Variants in MINPP1 observed in about 807,000 individuals in gnomAD.
MINPP1 encodes multiple inositol polyphosphate phosphatase 1.
MINPP1 carries 28 observed loss-of-function variants against 46.1 expected under a neutral mutation model. The observed-to-expected ratio is 0.61, with a 90% CI of 0.45 to 0.83. The LOEUF (loss-of-function observed/expected upper bound fraction) is 0.83, where lower values mean the gene tolerates loss of function less well. MINPP1 is among the 40% of genes least tolerant of loss of function. The pLI, the probability that MINPP1 is intolerant of heterozygous loss-of-function variation, is 0.00. For synonymous variants in MINPP1, 268 were observed against 249.1 expected, an observed-to-expected ratio of 1.08 and a Z score of -0.72; for missense variants, 603 against 610.0, an observed-to-expected ratio of 0.99 and a Z score of 0.12.
At chr10:87,542,733 A>G (rs1200260431) in intron 4 of MINPP1, among the ~76,000 whole-genome samples, 1 of 152,186 alleles carries the variant, frequency 6.6e-6, no homozygotes, top group African/African-American at 2.4e-5. Context: ...CGCTTCCTGT[A>G]CAGCCTGCAG....
chr10:87,545,862 TTC>T (rs1275543640), intron 4 of MINPP1, among the ~76,000 whole-genome samples: 1 of 152,250 alleles, frequency 6.6e-6, no homozygotes, highest in Non-Finnish European at 1.5e-5. Context: ...TATTGACATA[TTC>T]TCTTTCTTCT....
At chr10:87,506,773 A>G (rs564909848) in intron 1 of MINPP1, among the ~76,000 whole-genome samples, 1 of 152,362 alleles carries the variant, frequency 6.6e-6, no homozygotes, top group African/African-American at 2.4e-5. Context: ...GTGAAAAATT[A>G]GAAGTAGGCT....
Position 87,505,414 on chromosome 10 carries a change from G to T in MINPP1, c.499G>T (p.Ala167Ser). 6.2e-7 allele frequency: 1 copy of T among 1,613,790 alleles called. No homozygotes were observed. Among genetic ancestry groups the T allele is most frequent in the South Asian group, 1.1e-5 (1 of 91,070 alleles). The change falls in exon 1 of 5, where the codon GCC (alanine) becomes TCC (serine). Residue 167 changes from alanine (A) to serine (S), a missense_variant. Around this residue, in one of 3 missense-constraint regions of MINPP1, gnomAD observed 344 missense variants for 381.1 expected, o/e 0.90. Coordinates refer to ENST00000371996, the MANE Select transcript of MINPP1 (RefSeq NM_004897.5). The surrounding 1 kb of genome is among the most constrained non-coding windows in gnomAD (Gnocchi z 4.4). ...GCTGCGTCTGGCCTCGCTCTTCCCG[G>T]CCCTTTTCAGCCGTGAGAACTACGG... ...LALRLASLFP[A>S]LFSRENYGRL...
intron 3 of MINPP1, among the ~76,000 whole-genome samples, chr10:87,514,599 T>A (rs74150481): frequency 0.028 from 4,263 of 152,262 alleles, 192 homozygotes; most frequent in African/African-American, 0.092. Flanking sequence ...TGTCTGATAT[T>A]TTTTACTCAG....
chr10:87,526,397 A>AT (rs1319673062), intron 4 of MINPP1, among the ~76,000 whole-genome samples: 5 of 151,704 alleles, frequency 3.3e-5, no homozygotes, highest in East Asian at 1.9e-4. Context: ...GGGTTGTTTG[A>AT]TTTTTTCTTG....
intron 4 of MINPP1, among the ~76,000 whole-genome samples, chr10:87,551,577 T>C (rs750056405): frequency 3.3e-5 from 5 of 152,114 alleles, no homozygotes; most frequent in Non-Finnish European, 5.9e-5. Flanking sequence ...TGTAAACCAT[T>C]AAGGATTACA....
intron 4 of MINPP1, among the ~76,000 whole-genome samples, chr10:87,542,789 C>T (rs61853084): frequency 0.015 from 2,283 of 152,268 alleles, 27 homozygotes; most frequent in Middle Eastern, 0.048. Context: ...ATTACCCAGT[C>T]TCAGGTATTT....
rs569865910 is a variant in MINPP1 at position 87,543,559 on chromosome 10, C to T, written c.1068-8523C>T. 4.6e-5 allele frequency among the ~76,000 whole-genome samples: 7 copies of T among 152,074 alleles called. No homozygotes were observed. The East Asian group carries it at 5.8e-4, about 13-fold the overall frequency. ...AGTCCCAGCTACTCAGGGGCAGAGG[C>T]GGGAGGACTGTTTGAGTCTGAGGGG... On this transcript the variant is annotated intron_variant, in intron 4 of 4. Transcript: ENST00000371996.
chr10:87,548,013 T>A (rs1851911727), intron 4 of MINPP1, among the ~76,000 whole-genome samples: 2 of 152,210 alleles, frequency 1.3e-5, no homozygotes, highest in Admixed American at 6.5e-5. Flanking sequence ...TAAAATTTGC[T>A]CATAACCAAG....
chr10:87,524,742 G>A (rs1851550056), intron 4 of MINPP1, among the ~76,000 whole-genome samples: 1 of 152,138 alleles, frequency 6.6e-6, no homozygotes, highest in African/African-American at 2.4e-5. Context: ...GAGACTGGAG[G>A]AGAGGAAAGA....
At chr10:87,533,205 C>T (rs934074397) in intron 4 of MINPP1, among the ~76,000 whole-genome samples, 6 of 151,914 alleles carry the variant, frequency 3.9e-5, no homozygotes, top group African/African-American at 1.5e-4. Flanking sequence ...GGACATTCTT[C>T]AGTGCCACTG....
Position 87,512,990 on chromosome 10 carries a change from T to TA in MINPP1, c.836-131dup, listed in dbSNP as rs1270778305. 4.2e-6 allele frequency: 3 copies of TA among 713,058 alleles called. No individual in the cohort carries two copies. In the African/African-American group the frequency reaches 5.3e-5, roughly 13 times the overall value. 44.2% of individuals were successfully genotyped at this position (713,058 alleles called of 1,614,324 possible). A position where few individuals can be genotyped will look rare whatever the true frequency, so the allele number is the denominator to read the frequency against. ...AATTCTTTGATAGCCAGGAAGAAAC[T>TA]AAATTATTTCTTCCCCAAACTGAAG... On this transcript the variant is annotated intron_variant, in intron 2 of 4. Transcript: ENST00000371996.
chr10:87,522,192 A>G (rs1210537846), intron 4 of MINPP1, among the ~76,000 whole-genome samples: 1 of 151,860 alleles, frequency 6.6e-6, no homozygotes, highest in Non-Finnish European at 1.5e-5. Flanking sequence ...GTAAAAGTGG[A>G]AAAATTTTTT....
intron 4 of MINPP1, among the ~76,000 whole-genome samples, chr10:87,537,449 A>G (rs978169098): frequency 1.3e-4 from 19 of 150,956 alleles, no homozygotes; most frequent in African/African-American, 2.7e-4. Context: ...TTACATCTAT[A>G]TATCTAGTTT....
At chr10:87,538,446 TG>T (rs1454200236) in intron 4 of MINPP1, among the ~76,000 whole-genome samples, 1 of 152,220 alleles carries the variant, frequency 6.6e-6, no homozygotes, top group Non-Finnish European at 1.5e-5. Context: ...TCTGAAACTT[TG>T]TATGTTTTGT....
intron 4 of MINPP1, among the ~76,000 whole-genome samples, chr10:87,523,284 G>A (rs546521208): frequency 6.6e-6 from 1 of 152,072 alleles, no homozygotes; most frequent in Admixed American, 6.5e-5. Context: ...AGGCATCACT[G>A]TCTATGACAG....
At position 87,553,137 on chromosome 10, in the gene MINPP1, A is replaced by C. The variant is rs942330346; in HGVS notation, c.*659A>C. The C allele has an allele frequency of 2.0e-5, 3 of 152,182 alleles. No homozygotes were observed. The highest frequency in any genetic ancestry group is 4.8e-5 in the African/African-American group (2 of 41,462). The allele number at this position is 152,182 out of a possible 1,614,324, so 9.4% of individuals were successfully genotyped here. A position where few individuals can be genotyped will look rare whatever the true frequency, so the allele number is the denominator to read the frequency against. ...TTCCTTTTTACTTCTAGGAAGTCTCAAAAGACCATCTTAAATTATTATATG... is the reference window on the plus strand; with the variant it reads ...TTCCTTTTTACTTCTAGGAAGTCTCCAAAGACCATCTTAAATTATTATATG... On this transcript the variant is annotated 3_prime_UTR_variant, in exon 5 of 5. Coordinates refer to ENST00000371996, the MANE Select transcript of MINPP1 (RefSeq NM_004897.5).
chr10:87,530,454 C>G (rs1269297405), intron 4 of MINPP1, among the ~76,000 whole-genome samples: 1 of 152,236 alleles, frequency 6.6e-6, no homozygotes, highest in Non-Finnish European at 1.5e-5. Context: ...AGCTTCAGGT[C>G]TGCTGGAGTT....
rs923817044 is a variant in MINPP1, at chr10:87,505,311, C to A, written c.396C>A (p.Ala132=). ...GCCGCGACCTGGGTGCAGCGCTGGC[C>A]GACTGGCCTTTGTGGTACGCGGACT... The part of the protein sequence containing the change: ...TGSRDLGAAL[A]DWPLWYADWM... The change falls in exon 1 of 5, where the codon GCC becomes GCA. Residue 132 remains alanine, a synonymous_variant. Transcript: ENST00000371996. This position sits in a 1 kb window ranked among gnomAD's most constrained non-coding sequence, Gnocchi z 4.4. 1 of 1,612,192 alleles carries A rather than the reference C, an allele frequency of 6.2e-7. No individual in the cohort carries two copies. The highest frequency in any genetic ancestry group is 1.3e-5 in the African/African-American group (1 of 75,004).
Sources: allele counts gnomAD v4.1 joint callset (sites outside exome capture counted in the v4.1 genomes callset), GRCh38; gene constraint gnomAD v4.1.1; regional missense constraint gnomAD v4.1.1; non-coding constraint Gnocchi (gnomAD v3.1); transcripts MANE v1.5; gene names NCBI Gene and HGNC (gene_info 2026-07-23, HGNC 2026-07-21).